Variants in STK39 observed in about 807,000 individuals in gnomAD.
The protein encoded by STK39 is serine/threonine kinase 39, also known as STE20/SPS1-related proline-alanine-rich protein kinase.
STK39 carries 20 observed loss-of-function variants against 77.8 expected under a neutral mutation model. The ratio of observed to expected loss-of-function variants is 0.26; its 90% CI spans 0.18 to 0.37. The LOEUF is 0.37. Ranked by LOEUF, STK39 falls within the 10% of genes least tolerant of loss-of-function variation. STK39 has a pLI of 1.00. For synonymous variants in STK39, 246 were observed against 234.1 expected (o/e 1.05, Z -0.47); for missense variants, 479 against 656.5 (o/e 0.73, Z 2.95).
In STK39 at chr2:168,012,833, T is replaced by C. The variant is rs1015035362; in HGVS notation, c.1430-131A>G. 3.7e-5 allele frequency: 22 copies of C among 593,732 alleles called. No homozygotes were observed. The African/African-American group carries it at 4.3e-4, about 11-fold the overall frequency. 36.8% of individuals were successfully genotyped at this position (593,732 alleles called of 1,614,324 possible). A position where few individuals can be genotyped will look rare whatever the true frequency, so the allele number is the denominator to read the frequency against. ...TTTTAATTCAACAATTCAGACTCTA[T>C]CAGGAGAAAATCAGAAGCAACATGA... On this transcript the variant is annotated intron_variant, in intron 15 of 17. Coordinates refer to ENST00000355999, the MANE Select transcript of STK39 (RefSeq NM_013233.3).
chr2:168,102,076 G>A (rs1275014036), intron 10 of STK39, among the ~76,000 whole-genome samples: 1 of 151,488 alleles, frequency 6.6e-6, no homozygotes, highest in South Asian at 2.1e-4. Flanking sequence ...ATGACAGTTG[G>A]GTTGTGTCCA....
chr2:168,242,546 CAAA>C (rs1186813675), intron 1 of STK39, among the ~76,000 whole-genome samples: 1,140 of 17,528 alleles, frequency 0.065, 107 homozygotes, highest in African/African-American at 0.21. Context: ...AAGACTCTTA[CAAA>C]AAAAAAAAAA....
intron 1 of STK39, among the ~76,000 whole-genome samples, chr2:168,185,200 A>G (rs1335338900): frequency 6.6e-6 from 1 of 152,232 alleles, no homozygotes; most frequent in African/African-American, 2.4e-5. Flanking sequence ...CCCTTTTGGA[A>G]TAAGAGTTCT....
chr2:168,005,197 A>C (rs948046197), intron 16 of STK39, among the ~76,000 whole-genome samples: 1 of 151,706 alleles, frequency 6.6e-6, no homozygotes, highest in African/African-American at 2.4e-5. Flanking sequence ...GTAGAGACAA[A>C]GTTTCTCCAT....
intron 10 of STK39, among the ~76,000 whole-genome samples, chr2:168,103,216 C>A (rs1686882406): frequency 6.6e-6 from 1 of 152,158 alleles, no homozygotes; most frequent in South Asian, 2.1e-4. Flanking sequence ...GTAAACTAAT[C>A]TCACTCCTGG....
At chr2:168,095,579 T>C (rs1022555108) in intron 10 of STK39, among the ~76,000 whole-genome samples, 2 of 148,120 alleles carry the variant, frequency 1.4e-5, no homozygotes, top group Non-Finnish European at 3.0e-5. Context: ...CCCACTATCA[T>C]CAAAAGCCTG....
rs146609036 is a variant in STK39 at position 167,985,253 on chromosome 2, A to G, written c.1499-20527T>C. ...TTCTCTTACCACCAGGGTAATGAAG[A>G]AGGAAGAGTTATTATTGCAAAGAAG... On this transcript the variant is annotated intron_variant, in intron 16 of 17. Transcript: ENST00000355999. Among the ~76,000 whole-genome samples, 30 of 152,354 alleles carry G rather than the reference A, an allele frequency of 2.0e-4. No homozygotes were observed. The East Asian group carries it at 5.4e-3, about 27-fold the overall frequency.
intron 16 of STK39, among the ~76,000 whole-genome samples, chr2:167,981,208 C>A (rs935398056): frequency 5.9e-5 from 9 of 152,156 alleles, no homozygotes; most frequent in Admixed American, 6.5e-5. Context: ...GGAGTATGCA[C>A]CAGAATGTAA....
At chr2:168,141,872 GGTTA>G (rs1322696714) in intron 5 of STK39, among the ~76,000 whole-genome samples, 1 of 152,114 alleles carries the variant, frequency 6.6e-6, no homozygotes, top group Non-Finnish European at 1.5e-5. Context: ...AGGCCTATAA[GGTTA>G]GTTTATGCAA....
chr2:168,012,116 T>C (rs1199753719), intron 16 of STK39, among the ~76,000 whole-genome samples: 1 of 152,176 alleles, frequency 6.6e-6, no homozygotes, highest in Admixed American at 6.5e-5. Flanking sequence ...AGGCTCCTCA[T>C]TGGATAAATC....
intron 14 of STK39, among the ~76,000 whole-genome samples, chr2:168,043,944 C>T (rs2105356128): frequency 6.6e-6 from 1 of 152,242 alleles, no homozygotes; most frequent in Non-Finnish European, 1.5e-5. Context: ...TATATTAGAA[C>T]AATAATAGAT....
chr2:168,016,412 A>C (rs978819332), intron 15 of STK39, among the ~76,000 whole-genome samples: 3 of 146,412 alleles, frequency 2.0e-5, no homozygotes, highest in South Asian at 2.1e-4. Context: ...AAAAAAAAAA[A>C]ACAACACTAC....
chr2:168,045,053 C>CA (rs1559071111), intron 14 of STK39, among the ~76,000 whole-genome samples: 1 of 151,488 alleles, frequency 6.6e-6, no homozygotes, highest in Non-Finnish European at 1.5e-5. Flanking sequence ...GTCAAAAAAA[C>CA]AAAAAACAAA....
At chr2:168,199,025 T>G (rs77267128) in intron 1 of STK39, among the ~76,000 whole-genome samples, 2,464 of 152,308 alleles carry the variant, frequency 0.016, 64 homozygotes, top group African/African-American at 0.056. Flanking sequence ...TGTCTCCAGA[T>G]TCTTTGCTAT....
At chr2:168,192,457 A>G (rs1244519691) in intron 1 of STK39, among the ~76,000 whole-genome samples, 2 of 152,180 alleles carry the variant, frequency 1.3e-5, no homozygotes, top group Admixed American at 1.3e-4. Context: ...ACAATTCCTA[A>G]AATGATCCTT....
chr2:168,018,542 G>GAAAGAAAGAAAGAAAGAA (rs1574396717), intron 14 of STK39, among the ~76,000 whole-genome samples: 2 of 95,162 alleles, frequency 2.1e-5, no homozygotes, highest in East Asian at 6.1e-4. Flanking sequence ...AGAAAGAAAA[G>GAAAGAAAGAAAGAAAGAA]AAAGAAAGAA....
chr2:168,045,059 A>G (rs1436639915), intron 14 of STK39, among the ~76,000 whole-genome samples: 1 of 152,124 alleles, frequency 6.6e-6, no homozygotes, highest in Non-Finnish European at 1.5e-5. Flanking sequence ...AAAACAAAAA[A>G]CAAACAAACA....
At chr2:168,197,177 G>A (rs1448878702) in intron 1 of STK39, among the ~76,000 whole-genome samples, 3 of 152,116 alleles carry the variant, frequency 2.0e-5, no homozygotes, top group African/African-American at 7.2e-5. Flanking sequence ...ACAAAGTAGA[G>A]AAGAAGAAAA....
chr2:168,038,706 G>T (rs1350762897), intron 14 of STK39, among the ~76,000 whole-genome samples: 1 of 151,960 alleles, frequency 6.6e-6, no homozygotes, highest in African/African-American at 2.4e-5. Flanking sequence ...ATTATATAAA[G>T]AATTTATGTA....
Sources: allele counts gnomAD v4.1 joint callset (sites outside exome capture counted in the v4.1 genomes callset), GRCh38; gene constraint gnomAD v4.1.1; transcripts MANE v1.5; gene names NCBI Gene and HGNC (gene_info 2026-07-23, HGNC 2026-07-21).